TENM4: variants seen among roughly 807,000 people sequenced by gnomAD.
TENM4 encodes the protein teneurin transmembrane protein 4.
In TENM4, 82 loss-of-function variants were observed where a neutral mutation model predicts 243.3. That is an observed-to-expected ratio of 0.34 (90% CI 0.28 to 0.40). The LOEUF is 0.40. Among genes scored for constraint, TENM4 ranks in the 10% least tolerant of loss-of-function variants. The probability of loss-of-function intolerance (pLI) is 1.00; values close to 1 mark genes in which losing one functional copy is unlikely to be tolerated. For synonymous variants in TENM4, 1,412 were observed against 1,456.3 expected (o/e 0.97, Z 0.69); for missense variants, 3,138 against 3,673.3 (o/e 0.85, Z 3.77).
intron 4 of TENM4, among the ~76,000 whole-genome samples, chr11:79,113,926 C>A (rs1400997865): frequency 1.3e-5 from 2 of 152,128 alleles, no homozygotes; most frequent in Non-Finnish European, 2.9e-5. Flanking sequence ...ATGACCAGAC[C>A]TTGAGACTCT....
At chr11:79,204,133 G>A (rs984075548) in intron 3 of TENM4, among the ~76,000 whole-genome samples, 6 of 152,140 alleles carry the variant, frequency 3.9e-5, no homozygotes, top group Non-Finnish European at 5.9e-5. Context: ...AAGAAATCTG[G>A]GGTGACTGTT....
At chr11:78,971,290 G>A (rs968075139) in intron 6 of TENM4, among the ~76,000 whole-genome samples, 14 of 152,000 alleles carry the variant, frequency 9.2e-5, no homozygotes, top group African/African-American at 3.1e-4. Context: ...TTTTAAATAA[G>A]ATTTTTGTTT....
In TENM4 at chr11:78,869,143, T is replaced by G. The variant is rs114401586; in HGVS notation, c.1085-6011A>C. Among the ~76,000 whole-genome samples the G allele has an allele frequency of 4.9e-3, 751 of 152,182 alleles. 7 individuals are homozygous for G. The highest frequency in any genetic ancestry group is 0.017 in the African/African-American group (720 of 41,508). On this transcript the variant is annotated intron_variant, in intron 9 of 33. Transcript: ENST00000278550. The stretch of plus-strand genomic sequence containing the variant: ...CACGGCAGGATAACAGAAAAAAAAT[T>G]GGAAGCAAACTCGATGTCTAAAAAT...
chr11:79,207,991 C>T (rs1033905759), intron 3 of TENM4, among the ~76,000 whole-genome samples: 2 of 151,702 alleles, frequency 1.3e-5, no homozygotes, highest in African/African-American at 4.8e-5. Context: ...GAGAGAGTCA[C>T]AAGCCCACCT....
At chr11:78,707,356 T>C (rs1351005720) in intron 27 of TENM4, among the ~76,000 whole-genome samples, 1 of 152,234 alleles carries the variant, frequency 6.6e-6, no homozygotes, top group East Asian at 1.9e-4. Flanking sequence ...TCACAGGATG[T>C]ACTAAGGACA....
intron 12 of TENM4, among the ~76,000 whole-genome samples, chr11:78,846,014 CCT>C (rs1858384649): frequency 6.6e-6 from 1 of 151,998 alleles, no homozygotes; most frequent in East Asian, 1.9e-4. Context: ...TCTCTAAGAC[CCT>C]ATCTGTCTTG....
intron 4 of TENM4, among the ~76,000 whole-genome samples, chr11:79,131,387 A>T (rs1862000468): frequency 1.3e-5 from 2 of 152,200 alleles, no homozygotes; most frequent in Non-Finnish European, 2.9e-5. Flanking sequence ...GCCTCCTCAA[A>T]CAAAACAATT....
intron 4 of TENM4, among the ~76,000 whole-genome samples, chr11:79,072,458 C>A (rs576900963): frequency 1.4e-5 from 2 of 147,630 alleles, no homozygotes; most frequent in African/African-American, 2.5e-5. Context: ...CTGTACTCCC[C>A]GCTGGGCAAG....
chr11:79,257,043 G>A (rs1855712790), intron 2 of TENM4, among the ~76,000 whole-genome samples: 1 of 152,148 alleles, frequency 6.6e-6, no homozygotes, highest in Non-Finnish European at 1.5e-5. Context: ...GTGGATATGA[G>A]AGACAGAGCA....
chr11:79,209,560 T>C (rs1295037993), intron 3 of TENM4, among the ~76,000 whole-genome samples: 1 of 152,230 alleles, frequency 6.6e-6, no homozygotes, highest in African/African-American at 2.4e-5. Flanking sequence ...CACTGGGTGC[T>C]GGAAGACAAT....
intron 15 of TENM4, among the ~76,000 whole-genome samples, chr11:78,798,346 CGTTATT>C (rs1186779954): frequency 1.3e-5 from 2 of 152,088 alleles, no homozygotes; most frequent in African/African-American, 2.4e-5. Flanking sequence ...TCCATCTAGT[CGTTATT>C]GTTATTATTT....
chr11:78,862,065 T>C (rs753053807), intron 10 of TENM4, among the ~76,000 whole-genome samples: 10 of 152,198 alleles, frequency 6.6e-5, no homozygotes, highest in Non-Finnish European at 1.0e-4. Context: ...CACTCAGGAA[T>C]AGCAAACCCA....
chr11:79,134,020 T>C (rs554257811), intron 4 of TENM4, among the ~76,000 whole-genome samples: 14 of 152,062 alleles, frequency 9.2e-5, no homozygotes, highest in Non-Finnish European at 1.9e-4. Flanking sequence ...GAGAGAGAAA[T>C]AAAGGGCTTC....
intron 3 of TENM4, among the ~76,000 whole-genome samples, chr11:79,164,243 A>ATAGTATATGTAGTATATAGATATAC (rs1862846779): frequency 2.0e-5 from 1 of 50,972 alleles, no homozygotes; most frequent in African/African-American, 6.9e-5. Context: ...TACAGTATAT[A>ATAGTATATGTAGTATATAGATATAC]TAGTATATAT....
chr11:78,672,233 A>T lies in TENM4; in HGVS notation c.5593T>A (p.Tyr1865Asn), dbSNP rs969886766. 2.8e-5 allele frequency: 45 copies of T among 1,613,928 alleles called. No individual in the cohort carries two copies. The highest frequency in any genetic ancestry group is 3.6e-5 in the Non-Finnish European group (43 of 1,179,900). ...AGGCTGGGCCGCCCCGCCTGGTCGT[A>T]CAGAATCCGAAGGGTGAACTTGCGG... ...DHRKFTLRILYDQAGRPSLWS... is the reference protein window; with the variant it reads ...DHRKFTLRILNDQAGRPSLWS... Residue 1865 changes from tyrosine to asparagine, a missense_variant, in exon 31 of 34, where the codon TAC (tyrosine) becomes AAC (asparagine). By Grantham distance (143) the Tyr-to-Asn change is moderately radical. Transcript: ENST00000278550.
chr11:79,116,565 G>T (rs1242061216), intron 4 of TENM4, among the ~76,000 whole-genome samples: 1 of 152,178 alleles, frequency 6.6e-6, no homozygotes. Flanking sequence ...TGTTGAAAAT[G>T]CTCTCCCCCA....
intron 4 of TENM4, among the ~76,000 whole-genome samples, chr11:79,133,405 C>G (rs563313621): frequency 6.6e-6 from 1 of 152,242 alleles, no homozygotes; most frequent in African/African-American, 2.4e-5. Context: ...GGATTCACAG[C>G]AGAATTCTAC....
chr11:79,289,691 GT>G (rs1856320970), intron 2 of TENM4, among the ~76,000 whole-genome samples: 1 of 152,224 alleles, frequency 6.6e-6, no homozygotes, highest in African/African-American at 2.4e-5. Context: ...CTGTCCTAGA[GT>G]CTGGTTCTGG....
intron 3 of TENM4, among the ~76,000 whole-genome samples, chr11:79,166,771 C>T (rs1591328199): frequency 6.6e-6 from 1 of 152,110 alleles, no homozygotes. Flanking sequence ...CATAGAGAGG[C>T]AGAATCAGTG....
Sources: allele counts gnomAD v4.1 joint callset (sites outside exome capture counted in the v4.1 genomes callset), GRCh38; gene constraint gnomAD v4.1.1; transcripts MANE v1.5; gene names NCBI Gene and HGNC (gene_info 2026-07-23, HGNC 2026-07-21).